NTNG1: variants seen among roughly 807,000 people sequenced by gnomAD.
NTNG1 encodes netrin-G1.
A neutral mutation model predicts 54.0 loss-of-function variants in NTNG1; 16 were observed. That is an observed-to-expected ratio of 0.30 (90% CI 0.20 to 0.45). The LOEUF (loss-of-function observed/expected upper bound fraction) is 0.45. NTNG1 is among the 20% of genes least tolerant of loss of function. NTNG1 has a pLI of 1.00. For missense variants in NTNG1, 530 were observed against 678.7 expected, an observed-to-expected ratio of 0.78 and a Z score of 2.43; for synonymous variants, 255 against 263.1, an observed-to-expected ratio of 0.97 and a Z score of 0.30.
At chr1:107,309,194 T>C (rs1463199845) in intron 2 of NTNG1, among the ~76,000 whole-genome samples, 1 of 152,206 alleles carries the variant, frequency 6.6e-6, no homozygotes, top group Non-Finnish European at 1.5e-5. Context: ...TTAGGATGTC[T>C]CAGCCTGTGT....
At chr1:107,153,853 G>A (rs1654770436) in intron 2 of NTNG1, among the ~76,000 whole-genome samples, 1 of 152,202 alleles carries the variant, frequency 6.6e-6, no homozygotes, top group African/African-American at 2.4e-5. Flanking sequence ...CCTTGGCATA[G>A]CATGCATGGC....
At chr1:107,237,619 C>G (rs1661499575) in intron 2 of NTNG1, among the ~76,000 whole-genome samples, 1 of 152,132 alleles carries the variant, frequency 6.6e-6, no homozygotes, top group African/African-American at 2.4e-5. Flanking sequence ...CCCAGGGTCC[C>G]TGTGCTATGT....
intron 2 of NTNG1, among the ~76,000 whole-genome samples, chr1:107,262,799 A>G (rs1466709154): frequency 6.6e-6 from 1 of 152,216 alleles, no homozygotes; most frequent in Non-Finnish European, 1.5e-5. Context: ...AGGGGTTGGG[A>G]AAGACAAATA....
At chr1:107,198,398 T>C (rs976695487) in intron 2 of NTNG1, among the ~76,000 whole-genome samples, 7 of 151,986 alleles carry the variant, frequency 4.6e-5, no homozygotes, top group Non-Finnish European at 8.8e-5. Context: ...TCTACTTTTG[T>C]ATATGCTTGA....
intron 3 of NTNG1, among the ~76,000 whole-genome samples, chr1:107,325,714 G>C (rs1358087737): frequency 6.6e-6 from 1 of 152,134 alleles, no homozygotes; most frequent in Middle Eastern, 3.4e-3. Flanking sequence ...AGCTTTTTAA[G>C]TGTGGTATAT....
At chr1:107,368,099 C>T (rs1670707350) in intron 3 of NTNG1, among the ~76,000 whole-genome samples, 1 of 152,132 alleles carries the variant, frequency 6.6e-6, no homozygotes, top group African/African-American at 2.4e-5. Flanking sequence ...CGATCCAACA[C>T]ATAATAGGAA....
At chr1:107,475,931 G>A (rs866454942) in intron 7 of NTNG1, among the ~76,000 whole-genome samples, 12 of 152,132 alleles carry the variant, frequency 7.9e-5, no homozygotes, top group African/African-American at 2.2e-4. Context: ...ATCATCCAGC[G>A]TTGAGAACCA....
At chr1:107,270,414 C>T (rs1664064153) in intron 2 of NTNG1, among the ~76,000 whole-genome samples, 1 of 152,162 alleles carries the variant, frequency 6.6e-6, no homozygotes, top group Admixed American at 6.5e-5. Flanking sequence ...GAATTTTCAT[C>T]TCAGTAACAT....
chr1:107,309,827 C>A (rs1003260396), intron 2 of NTNG1, among the ~76,000 whole-genome samples: 1 of 152,168 alleles, frequency 6.6e-6, no homozygotes, highest in Admixed American at 6.6e-5. Context: ...TCTCTAAAAT[C>A]AACTTCTTGT....
intron 3 of NTNG1, among the ~76,000 whole-genome samples, chr1:107,343,427 T>C (rs1270203663): frequency 6.6e-6 from 1 of 151,890 alleles, no homozygotes; most frequent in Non-Finnish European, 1.5e-5. Context: ...ATGAAGATCT[T>C]CAAGCCCACA....
At chr1:107,414,290 T>C (rs572158625) in intron 5 of NTNG1, among the ~76,000 whole-genome samples, 6 of 152,262 alleles carry the variant, frequency 3.9e-5, no homozygotes, top group Non-Finnish European at 7.4e-5. Context: ...ATTTTTCTCA[T>C]TCATGAAAAT....
chr1:107,308,665 A>C (rs1666826886), intron 2 of NTNG1, among the ~76,000 whole-genome samples: 1 of 152,084 alleles, frequency 6.6e-6, no homozygotes, highest in Non-Finnish European at 1.5e-5. Context: ...TGAATTTTAG[A>C]ATGTTTTTTC....
At chr1:107,240,957 T>C (rs1006063075) in intron 2 of NTNG1, among the ~76,000 whole-genome samples, 2 of 152,232 alleles carry the variant, frequency 1.3e-5, no homozygotes, top group African/African-American at 4.8e-5. Flanking sequence ...CTAAAACGAA[T>C]TTCTTTAAAA....
At chr1:107,197,958 G>A (rs543327688) in intron 2 of NTNG1, among the ~76,000 whole-genome samples, 8 of 151,978 alleles carry the variant, frequency 5.3e-5, no homozygotes, top group African/African-American at 1.7e-4. Flanking sequence ...CTATTCCCAG[G>A]CCCTTATGAT....
At chr1:107,368,002 C>T (rs1370789537) in intron 3 of NTNG1, among the ~76,000 whole-genome samples, 1 of 152,128 alleles carries the variant, frequency 6.6e-6, no homozygotes, top group Non-Finnish European at 1.5e-5. Context: ...CCTCAACCCG[C>T]CTGCCTCGGC....
intron 7 of NTNG1, among the ~76,000 whole-genome samples, chr1:107,460,035 CT>C (rs1677186955): frequency 6.6e-6 from 1 of 151,926 alleles, no homozygotes; most frequent in African/African-American, 2.4e-5. Flanking sequence ...TTTTCCTTTT[CT>C]TTAAAATATT....
intron 7 of NTNG1, among the ~76,000 whole-genome samples, chr1:107,465,768 C>A (rs1677565917): frequency 6.6e-6 from 1 of 152,180 alleles, no homozygotes; most frequent in East Asian, 1.9e-4. Context: ...CTGATCCTGC[C>A]TCTGCTGCTC....
intron 2 of NTNG1, among the ~76,000 whole-genome samples, chr1:107,293,037 A>G (rs1263626059): frequency 6.6e-6 from 1 of 152,118 alleles, no homozygotes; most frequent in Non-Finnish European, 1.5e-5. Context: ...GTTGCTGCAA[A>G]CTCATACAGA....
chr1:107,259,959 T>C (rs1472992016), intron 2 of NTNG1, among the ~76,000 whole-genome samples: 1 of 152,184 alleles, frequency 6.6e-6, no homozygotes, highest in Non-Finnish European at 1.5e-5. Flanking sequence ...TTGCTAAAAA[T>C]ACTGAGCTAG....
Sources: allele counts gnomAD v4.1 joint callset (sites outside exome capture counted in the v4.1 genomes callset), GRCh38; gene constraint gnomAD v4.1.1; transcripts MANE v1.5; gene names NCBI Gene and HGNC (gene_info 2026-07-23, HGNC 2026-07-21).